The following RTKN2 variants were observed in gnomAD, a reference collection of about 807,000 sequenced individuals.
RTKN2 encodes the protein rhotekin 2.
In RTKN2, 69 loss-of-function variants were observed where a neutral mutation model predicts 71.5. The observed-to-expected ratio is 0.96, with a 90% confidence interval of 0.79 to 1.18. The LOEUF (loss-of-function observed/expected upper bound fraction) is 1.18. RTKN2 is among the 50% of genes most tolerant of loss of function. The pLI is 0.00. For synonymous variants in RTKN2, 236 were observed against 236.5 expected, an observed-to-expected ratio of 1.00 and a Z score of 0.02; for missense variants, 724 against 719.7, an observed-to-expected ratio of 1.01 and a Z score of -0.07.
At chr10:62,248,794 T>C (rs1232292391) in intron 2 of RTKN2, among the ~76,000 whole-genome samples, 1 of 152,192 alleles carries the variant, frequency 6.6e-6, no homozygotes, top group Non-Finnish European at 1.5e-5. Context: ...CCTTATATTG[T>C]TCCAAGCGGG....
At chr10:62,188,402 C>T (rs117400091), downstream of RTKN2, among the ~76,000 whole-genome samples, 233 of 152,284 alleles carry the variant, frequency 1.5e-3, no homozygotes, top group Middle Eastern at 6.8e-3. Context: ...GACCTAGCCT[C>T]ATGTGTCACA....
chr10:62,216,190 A>G (rs563360499), intron 9 of RTKN2, among the ~76,000 whole-genome samples: 4 of 152,154 alleles, frequency 2.6e-5, no homozygotes, highest in African/African-American at 9.6e-5. Context: ...GAATACAACT[A>G]TTATATAAAA....
chr10:62,268,290 G>A (rs180761345), intron 1 of RTKN2, among the ~76,000 whole-genome samples: 11 of 152,246 alleles, frequency 7.2e-5, no homozygotes, highest in African/African-American at 2.4e-4. Context: ...CAGCGGACAG[G>A]TGCGCCCGCA....
chr10:62,191,578 C>T (rs1171132978), downstream of RTKN2, among the ~76,000 whole-genome samples: 1 of 152,096 alleles, frequency 6.6e-6, no homozygotes, highest in Non-Finnish European at 1.5e-5. Context: ...TTCCCAGTGG[C>T]AGGTAGGGAT....
At chr10:62,248,340 AC>A (rs1051990568) in intron 2 of RTKN2, among the ~76,000 whole-genome samples, 2 of 152,172 alleles carry the variant, frequency 1.3e-5, no homozygotes, top group African/African-American at 2.4e-5. Context: ...TATTTAGGGT[AC>A]TAAAATGTGA....
chr10:62,228,358 T>C (rs1842074486), intron 6 of RTKN2, among the ~76,000 whole-genome samples: 1 of 152,134 alleles, frequency 6.6e-6, no homozygotes, highest in African/African-American at 2.4e-5. Flanking sequence ...ATTGTGTTAA[T>C]ACCAAAAGGT....
In RTKN2 at chr10:62,195,723, T is replaced by C. The variant is rs1280594981; in HGVS notation, c.*2185A>G. The C allele has an allele frequency of 2.0e-6, 2 of 985,064 alleles. No homozygotes were observed. The highest frequency in any genetic ancestry group is 3.5e-5 in the African/African-American group (2 of 57,154). 61.0% of individuals were successfully genotyped at this position (985,064 alleles called of 1,614,324 possible). A position where few individuals can be genotyped will look rare whatever the true frequency, so the allele number is the denominator to read the frequency against. On this transcript the variant is annotated 3_prime_UTR_variant, in exon 12 of 12. Transcript: ENST00000373789. The stretch of plus-strand genomic sequence containing the variant: ...TCCTTAGGTAAGGGGTAAATTAGCA[T>C]TTCAGGAGCTGAAGACACCAGACCC...
intron 9 of RTKN2, among the ~76,000 whole-genome samples, chr10:62,216,706 C>T (rs2132881268): frequency 6.6e-6 from 1 of 152,166 alleles, no homozygotes; most frequent in East Asian, 1.9e-4. Flanking sequence ...AATTGCCTAT[C>T]AATCCCATAA....
Position 62,195,468 on chromosome 10 carries a change from A to G in RTKN2, c.*2440T>C. 1 of 958,610 alleles carries G rather than the reference A, an allele frequency of 1.0e-6. No individual in the cohort carries two copies. The highest frequency in any genetic ancestry group is 1.2e-6 in the Non-Finnish European group (1 of 805,798). The allele number at this position is 958,610 out of a possible 1,614,324, so 59.4% of individuals were successfully genotyped here. On this transcript the variant is annotated 3_prime_UTR_variant, in exon 12 of 12. Coordinates refer to ENST00000373789, the MANE Select transcript of RTKN2 (RefSeq NM_145307.4). The stretch of plus-strand genomic sequence containing the variant: ...TTTAGATTTTTTTTTTAAACTGTAA[A>G]GGAAGGGAGGAAGGAGAGACAGAAG...
At chr10:62,234,210 C>T (rs75452432) in intron 6 of RTKN2, among the ~76,000 whole-genome samples, 131 of 152,064 alleles carry the variant, frequency 8.6e-4, no homozygotes, top group Middle Eastern at 3.4e-3. Flanking sequence ...AAGAGAATGG[C>T]AGATTGAAAC....
intron 2 of RTKN2, among the ~76,000 whole-genome samples, chr10:62,248,309 C>T (rs1275198237): frequency 6.6e-6 from 1 of 152,016 alleles, no homozygotes; most frequent in Non-Finnish European, 1.5e-5. Flanking sequence ...GAATTACTTT[C>T]AATTCAAATA....
rs769223693 is a variant in RTKN2 at position 62,268,568 on chromosome 10, C to T, written c.43G>A (p.Gly15Arg). The change falls in exon 1 of 12, where the codon GGG (glycine) becomes AGG (arginine). Residue 15 changes from glycine (G) to arginine (R), a missense_variant. Transcript: ENST00000373789. ...SLRGPALRLA[G>R]LPTQQDCNIQ... ...CAACTCACCTGCTGGGTGGGAAGCC[C>T]CGCCAGGCGGAGCGCAGGACCCCTC... The T allele has an allele frequency of 1.9e-6, 3 of 1,564,752 alleles. No individual in the cohort carries two copies. Among genetic ancestry groups the T allele is most frequent in the South Asian group, 2.4e-5 (2 of 84,894 alleles).
At chr10:62,252,312 G>A (rs1842596271) in intron 2 of RTKN2, among the ~76,000 whole-genome samples, 1 of 151,998 alleles carries the variant, frequency 6.6e-6, no homozygotes, top group Non-Finnish European at 1.5e-5. Context: ...CAAAACTCAA[G>A]GAAAGAATGT....
intron 9 of RTKN2, chr10:62,215,128 T>A (rs796862953): frequency 4.9e-6 from 6 of 1,226,054 alleles, no homozygotes; most frequent in Middle Eastern, 2.0e-4. Context: ...ACATTTTATT[T>A]TATGACTGAA....
At chr10:62,223,045 G>T (rs1372098358) in intron 7 of RTKN2, among the ~76,000 whole-genome samples, 193 bp downstream of exon 7, 1 of 152,136 alleles carries the variant, frequency 6.6e-6, no homozygotes, top group Non-Finnish European at 1.5e-5. Flanking sequence ...ACTAAGCCTT[G>T]CAAGCAAATC....
At chr10:62,200,362 C>CAAAAAAAAAAAAAAAAAAAA (rs67854159) in intron 10 of RTKN2, among the ~76,000 whole-genome samples, 3 of 79,504 alleles carry the variant, frequency 3.8e-5, no homozygotes, top group African/African-American at 4.9e-5. Context: ...GACTCCGTCT[C>CAAAAAAAAAAAAAAAAAAAA]AAAAAAAAAA....
At position 62,194,062 on chromosome 10, in the gene RTKN2, A is replaced by G. The variant is rs944741030; in HGVS notation, c.*3846T>C. 1.0e-6 allele frequency: 1 copy of G among 982,046 alleles called. No homozygotes were observed. Among genetic ancestry groups the G allele is most frequent in the Non-Finnish European group, 1.2e-6 (1 of 826,876 alleles). 60.8% of individuals were successfully genotyped at this position (982,046 alleles called of 1,614,324 possible). On this transcript the variant is annotated 3_prime_UTR_variant, in exon 12 of 12. Transcript: ENST00000373789. ...TACATGACTTGGGCTCGCTTACCAAATACCTTTGGTACTTTAAAAAATGTA... is the reference window on the plus strand; with the variant it reads ...TACATGACTTGGGCTCGCTTACCAAGTACCTTTGGTACTTTAAAAAATGTA...
intron 11 of RTKN2, 79 bp downstream of exon 11, chr10:62,199,675 G>A (rs554018860): frequency 9.1e-6 from 7 of 766,768 alleles, no homozygotes; most frequent in African/African-American, 3.5e-5. Context: ...GCATTTTAAT[G>A]TCAATAGAAT....
intron 3 of RTKN2, among the ~76,000 whole-genome samples, chr10:62,242,303 T>C (rs1158603626): frequency 6.6e-6 from 1 of 152,202 alleles, no homozygotes; most frequent in East Asian, 1.9e-4. Flanking sequence ...AAGTGTTTTA[T>C]TAGTATTCCA....
Sources: allele counts gnomAD v4.1 joint callset (sites outside exome capture counted in the v4.1 genomes callset), GRCh38; gene constraint gnomAD v4.1.1; transcripts MANE v1.5; gene names NCBI Gene and HGNC (gene_info 2026-07-23, HGNC 2026-07-21).